Variants in IMPDH2 observed in about 807,000 individuals in gnomAD.
IMPDH2 encodes the protein inosine monophosphate dehydrogenase 2.
IMPDH2 carries 33 observed loss-of-function variants against 57.8 expected under a neutral mutation model. That is an observed-to-expected ratio of 0.57 (90% CI 0.43 to 0.76). The LOEUF is 0.76. Among genes scored for constraint, IMPDH2 ranks in the 30% least tolerant of loss-of-function variants. The pLI is 0.00. For synonymous variants in IMPDH2, 270 were observed against 241.3 expected (o/e 1.12, Z -1.10); for missense variants, 446 against 659.1 (o/e 0.68, Z 3.54).
chr3:49,025,241 T>G lies in IMPDH2; in HGVS notation c.1035A>C (p.Thr345=). ...EVLACGRPQA[T]AVYKVSEYAR... is the part of the protein sequence containing the mutation. The stretch of plus-strand genomic sequence containing the variant: ...CATACTCTGACACCTTGTACACTGC[T>G]GTTGCTTGGGGCCGCCCACAGGCCA... Residue 345 remains threonine, a synonymous_variant, in exon 10 of 14, where the codon ACA becomes ACC. Transcript: ENST00000326739. 1 of 1,614,240 alleles carries G rather than the reference T, an allele frequency of 6.2e-7. No individual in the cohort carries two copies. The highest frequency in any genetic ancestry group is 8.5e-7 in the Non-Finnish European group (1 of 1,180,042).
chr3:49,029,239 C>A lies in IMPDH2; in HGVS notation c.98+14G>T. 6.3e-7 allele frequency: 1 copy of A among 1,582,394 alleles called. No homozygotes were observed. Among genetic ancestry groups the A allele is most frequent in the East Asian group, 2.3e-5 (1 of 43,982 alleles). ...GCCCCTCTCTTCGCCCAGGTGAGCC[C>A]CATAGGCCCGCACTTGTAGGTGAGG... On this transcript the variant is annotated intron_variant, in intron 1 of 13. Transcript: ENST00000326739.
chr3:49,027,972 C>G, intron 4 of IMPDH2, 56 bp from the exon 5 acceptor site: 1 of 1,342,740 alleles, frequency 7.4e-7, no homozygotes, highest in South Asian at 1.2e-5. Context: ...TCATCAGGCT[C>G]TTGATCTGAA....
intron 9 of IMPDH2, chr3:49,025,854 C>T: frequency 2.5e-6 from 1 of 403,704 alleles, no homozygotes; most frequent in Non-Finnish European, 4.9e-6. Flanking sequence ...TGTTCTTGAG[C>T]ACCACCCCCA....
Position 49,026,403 on chromosome 3 carries a change from C to T in IMPDH2, c.927G>A (p.Gln309=), listed in dbSNP as rs190347033. The T allele has an allele frequency of 5.6e-6, 9 of 1,613,792 alleles. No homozygotes were observed. In the Admixed American group the frequency reaches 1.3e-4, roughly 24 times the overall value. Residue 309 remains glutamine (Q), a synonymous_variant, in exon 9 of 14, where the codon CAG becomes CAA. Transcript: ENST00000326739. ...VIGGNVVTAA[Q]AKNLIDAGVD... is the part of the protein sequence containing the mutation. ...CACCTGCATCAATGAGGTTCTTGGC[C>T]TGGGCAGCAGTGACCACTATGGTGA...
In IMPDH2 at chr3:49,024,988, G is replaced by C; in HGVS notation, c.1203C>G (p.Phe401Leu). 6.2e-7 allele frequency: 1 copy of C among 1,614,266 alleles called. No individual in the cohort carries two copies. The highest frequency in any genetic ancestry group is 8.5e-7 in the Non-Finnish European group (1 of 1,180,052). The change falls in exon 11 of 14, where the codon TTC (phenylalanine) becomes TTG (leucine). Residue 401 changes from phenylalanine to leucine, a missense_variant. Transcript: ENST00000326739. The stretch of plus-strand genomic sequence containing the variant: ...TCTTTAGCCGGATCCCATCGGAAAA[G>C]AAGTATTCACCAGGGGCCTCAGTGG... ...AATTEAPGEYFFSDGIRLKKY... is the reference protein window; with the variant it reads ...AATTEAPGEYLFSDGIRLKKY...
At chr3:49,025,580 G>A (rs189350417) in intron 9 of IMPDH2, among the ~76,000 whole-genome samples, 14 of 152,330 alleles carry the variant, frequency 9.2e-5, no homozygotes, top group Admixed American at 3.9e-4. Flanking sequence ...AGGAGTCACC[G>A]TGCAGTTAGT....
chr3:49,029,324 G>C lies in IMPDH2; in HGVS notation c.27C>G (p.Gly9=). 6.2e-7 allele frequency: 1 copy of C among 1,604,116 alleles called. No homozygotes were observed. Among genetic ancestry groups the C allele is most frequent in the East Asian group, 2.2e-5 (1 of 44,572 alleles). MADYLISG[G]TSYVPDDGLT... ...GTCCGTCGTCTGGCACGTAGGACGT[G>C]CCCCCACTAATCAGGTAGTCGGCCA... is the stretch of plus-strand genomic sequence containing the variant. Residue 9 remains glycine, a synonymous_variant, in exon 1 of 14, where the codon GGC becomes GGG. Transcript: ENST00000326739.
chr3:49,028,195 CCACCT>C, intron 4 of IMPDH2, 48 bp downstream of exon 4: 5 of 1,441,656 alleles, frequency 3.5e-6, no homozygotes, highest in Non-Finnish European at 2.9e-6. Flanking sequence ...CCACCCCACC[CCACCT>C]CAGTGCAATT....
rs748310026 is a variant in IMPDH2, at chr3:49,028,324, T to C, written c.250-2A>G. 5 of 1,613,792 alleles carry C rather than the reference T, an allele frequency of 3.1e-6. No homozygotes were observed. In the East Asian group the frequency reaches 1.1e-4, roughly 36 times the overall value. ...GATGAAGCCAATACCGCCTGTAAGCTACAGGATAAAAAGAGACTACTACTA... is the reference window on the plus strand; with the variant it reads ...GATGAAGCCAATACCGCCTGTAAGCCACAGGATAAAAAGAGACTACTACTA... On this transcript the variant is annotated splice_acceptor_variant, in intron 3 of 13. Coordinates refer to ENST00000326739, the MANE Select transcript of IMPDH2 (RefSeq NM_000884.3). LOFTEE classifies it high-confidence loss of function.
Position 49,029,336 on chromosome 3 carries a change from C to CA in IMPDH2, c.14dup (p.Ile6AspfsTer2), listed in dbSNP as rs1559918223. On this transcript the variant is annotated frameshift_variant, in exon 1 of 14. Transcript: ENST00000326739. LOFTEE classifies it high-confidence loss of function. ...GCACGTAGGACGTGCCCCCACTAAT[C>CA]AGGTAGTCGGCCATGGCCAACACAG... is the stretch of plus-strand genomic sequence containing the variant. 1 of 1,599,432 alleles carries CA rather than the reference C, an allele frequency of 6.3e-7. No individual in the cohort carries two copies. The highest frequency in any genetic ancestry group is 8.5e-7 in the Non-Finnish European group (1 of 1,173,284).
chr3:49,028,668 G>A, intron 2 of IMPDH2, 90 bp downstream of exon 2: 2 of 1,376,110 alleles, frequency 1.5e-6, no homozygotes, highest in Non-Finnish European at 2.1e-6. Flanking sequence ...CCACCCCCAA[G>A]CCCAATCTGG....
In IMPDH2 at chr3:49,029,368, G is replaced by T; in HGVS notation, c.-18C>A. The T allele has an allele frequency of 2.6e-6, 4 of 1,538,212 alleles. No individual in the cohort carries two copies. The highest frequency in any genetic ancestry group is 1.4e-5 in the African/African-American group (1 of 73,768). On this transcript the variant is annotated 5_prime_UTR_variant, in exon 1 of 14. Coordinates refer to ENST00000326739, the MANE Select transcript of IMPDH2 (RefSeq NM_000884.3). ...TCGGCCATGGCCAACACAGGACACC[G>T]CCGCGTGTCTCCGAGGACCGCGCCG...
chr3:49,024,473 C>T (rs1295486427), intron 13 of IMPDH2, 22 bp downstream of exon 13: 14 of 1,613,874 alleles, frequency 8.7e-6, no homozygotes, highest in Non-Finnish European at 1.1e-5. Context: ...GCAGAGGCCC[C>T]ACCAAGGACA....
chr3:49,025,533 C>G (rs2093194758), intron 9 of IMPDH2: 1 of 484,314 alleles, frequency 2.1e-6, no homozygotes, highest in Non-Finnish European at 3.8e-6. Flanking sequence ...GTCTTAGCAG[C>G]CGGGAAAGCC....
chr3:49,025,999 G>C (rs1237777718), intron 9 of IMPDH2: 2 of 485,636 alleles, frequency 4.1e-6, no homozygotes, highest in South Asian at 3.1e-5. Context: ...ACTTACTATA[G>C]CAACCCGTGA....
At chr3:49,026,177 C>T (rs2093197957) in intron 9 of IMPDH2, 147 bp downstream of exon 9, 1 of 699,660 alleles carries the variant, frequency 1.4e-6, no homozygotes, top group East Asian at 2.7e-5. Context: ...GTCTTGCTTC[C>T]AGCCATGTCA....
intron 9 of IMPDH2, chr3:49,025,962 CTGGGCCGGGCCAG>C (rs926232081): frequency 3.2e-5 from 15 of 466,816 alleles, no homozygotes; most frequent in East Asian, 1.3e-4. Flanking sequence ...CAGTGGGCAG[CTGGGCCGGGCCAG>C]TGGGCCGGGC....
At position 49,026,334 on chromosome 3, in the gene IMPDH2, A is replaced by G; in HGVS notation, c.996T>C (p.Ile332=). ...RVGMGSGSIC[I]TQEVLACGRP... ...AAAGTATATTCTTACCTTCCTGCGT[A>G]ATGCAGATGGAGCCACTTCCCATGC... Residue 332 remains isoleucine, a synonymous_variant, in exon 9 of 14, where the codon ATT becomes ATC. Coordinates refer to ENST00000326739, the MANE Select transcript of IMPDH2 (RefSeq NM_000884.3). 1 of 1,608,852 alleles carries G rather than the reference A, an allele frequency of 6.2e-7. No homozygotes were observed. Among genetic ancestry groups the G allele is most frequent in the South Asian group, 1.1e-5 (1 of 90,514 alleles).
Position 49,027,777 on chromosome 3 carries a change from ACC to A in IMPDH2, c.462_463del (p.Leu154PhefsTer10). ...AATGTCCCTGGAGGAGATGATGCCC[ACC>A]AAGCGGCTCCCCATCCGGCCTGTGT... On this transcript the variant is annotated frameshift_variant, in exon 5 of 14. Transcript: ENST00000326739. LOFTEE classifies it high-confidence loss of function. 6.2e-7 allele frequency: 1 copy of A among 1,614,170 alleles called. No individual in the cohort carries two copies.
Sources: allele counts gnomAD v4.1 joint callset (sites outside exome capture counted in the v4.1 genomes callset), GRCh38; gene constraint gnomAD v4.1.1; transcripts MANE v1.5; gene names NCBI Gene and HGNC (gene_info 2026-07-23, HGNC 2026-07-21).